Variants in CNTN6 observed in about 807,000 individuals in gnomAD.
The protein encoded by CNTN6 is contactin 6.
CNTN6 carries 137 observed loss-of-function variants against 122.8 expected under a neutral mutation model. The observed-to-expected ratio is 1.12, with a 90% confidence interval of 0.97 to 1.29. The LOEUF is 1.29. Ranked by LOEUF, CNTN6 falls within the 50% of genes most tolerant of loss-of-function variation. The pLI is 0.00. For missense variants in CNTN6, 1,634 were observed against 1,223.4 expected, an observed-to-expected ratio of 1.34 and a Z score of -5.01; for synonymous variants, 570 against 426.0, an observed-to-expected ratio of 1.34 and a Z score of -4.16.
Position 1,220,832 on chromosome 3 carries a change from GCACCA to G in CNTN6, c.182+23_182+27del. 1 of 1,579,228 alleles carries G rather than the reference GCACCA, an allele frequency of 6.3e-7. No individual in the cohort carries two copies. Among genetic ancestry groups the G allele is most frequent in the Non-Finnish European group, 8.6e-7 (1 of 1,166,354 alleles). ...ATTATAGGTAAAATCCTACCTGTGG[GCACCA>G]CACTATTTTGTTCTTCCTCACTGAA... is the stretch of plus-strand genomic sequence containing the variant. On this transcript the variant is annotated intron_variant, in intron 3 of 22. Transcript: ENST00000446702.
At chr3:1,389,676 C>T (rs530363473) in intron 20 of CNTN6, among the ~76,000 whole-genome samples, 117 of 151,956 alleles carry the variant, frequency 7.7e-4, no homozygotes, top group Non-Finnish European at 1.1e-3. Flanking sequence ...ACCCATCTCA[C>T]GTGCAGAGAC....
At chr3:1,270,046 C>G (rs540338315) in intron 4 of CNTN6, among the ~76,000 whole-genome samples, 1 of 152,098 alleles carries the variant, frequency 6.6e-6, no homozygotes, top group South Asian at 2.1e-4. Flanking sequence ...TCTTTTACAG[C>G]GTTTGACAAT....
chr3:1,348,395 ACT>A (rs545803054), intron 11 of CNTN6, among the ~76,000 whole-genome samples: 8 of 151,932 alleles, frequency 5.3e-5, no homozygotes, highest in Non-Finnish European at 1.2e-4. Context: ...TATGGTTAAA[ACT>A]CTCTTCCAGA....
intron 11 of CNTN6, among the ~76,000 whole-genome samples, chr3:1,342,151 G>C (rs1358143752): frequency 6.6e-6 from 1 of 151,242 alleles, no homozygotes; most frequent in Non-Finnish European, 1.5e-5. Flanking sequence ...TTTGTTTGTG[G>C]TGGAGTCTCC....
At chr3:1,140,305 C>G (rs2092579742) in intron 1 of CNTN6, among the ~76,000 whole-genome samples, 1 of 152,124 alleles carries the variant, frequency 6.6e-6, no homozygotes, top group Non-Finnish European at 1.5e-5. Flanking sequence ...CACACAGAGG[C>G]TGGAGCTATG....
chr3:1,178,793 T>TCTA (rs1285350356), intron 2 of CNTN6, among the ~76,000 whole-genome samples: 7 of 152,208 alleles, frequency 4.6e-5, no homozygotes, highest in African/African-American at 1.7e-4. Context: ...ATGCTTGCAC[T>TCTA]CTACCACTGG....
rs116239321 is a variant in CNTN6 at position 1,124,978 on chromosome 3, G to A, written c.-82-22949G>A. 7.7e-3 allele frequency among the ~76,000 whole-genome samples: 1,163 copies of A among 151,976 alleles called. 7 individuals carry two copies. Among genetic ancestry groups the A allele is most frequent in the Non-Finnish European group, 0.012 (830 of 67,894 alleles). On this transcript the variant is annotated intron_variant, in intron 1 of 22. Coordinates refer to ENST00000446702, the MANE Select transcript of CNTN6 (RefSeq NM_001289080.2). ...TTGTATCTTCAAGACCCAGATCAGTGCCAGTCACAAAGTAGTCATTTTGTT... is the reference window on the plus strand; with the variant it reads ...TTGTATCTTCAAGACCCAGATCAGTACCAGTCACAAAGTAGTCATTTTGTT...
At chr3:1,139,685 A>C (rs1277259990) in intron 1 of CNTN6, among the ~76,000 whole-genome samples, 1 of 152,234 alleles carries the variant, frequency 6.6e-6, no homozygotes, top group African/African-American at 2.4e-5. Flanking sequence ...CCCCAGAATC[A>C]CAGCAGATTT....
intron 2 of CNTN6, among the ~76,000 whole-genome samples, chr3:1,182,651 T>C (rs2093572722): frequency 6.6e-6 from 1 of 151,976 alleles, no homozygotes; most frequent in Non-Finnish European, 1.5e-5. Flanking sequence ...ATATACAAAG[T>C]ACGCCTATAG....
intron 8 of CNTN6, among the ~76,000 whole-genome samples, chr3:1,325,482 C>T (rs187634949): frequency 6.6e-6 from 1 of 151,880 alleles, no homozygotes; most frequent in Non-Finnish European, 1.5e-5. Flanking sequence ...CATTTTCTAA[C>T]TTGACCTATG....
At chr3:1,374,127 TAAAAC>T (rs138076631) in intron 16 of CNTN6, 54 bp downstream of exon 16, 239,933 of 1,499,706 alleles carry the variant, frequency 0.16, 21,017 homozygotes, top group Middle Eastern at 0.21. Flanking sequence ...ATACAGTTCT[TAAAAC>T]AAAACAAGTA....
At chr3:1,309,516 A>G (rs1371448203) in intron 7 of CNTN6, among the ~76,000 whole-genome samples, 1 of 152,158 alleles carries the variant, frequency 6.6e-6, no homozygotes, top group Non-Finnish European at 1.5e-5. Context: ...CATTGCCTCA[A>G]TTACTGTAGC....
chr3:1,300,925 A>G (rs1697272488), intron 7 of CNTN6, among the ~76,000 whole-genome samples: 1 of 152,134 alleles, frequency 6.6e-6, no homozygotes, highest in Non-Finnish European at 1.5e-5. Context: ...AAAAATAAAT[A>G]AAGCAGTGTC....
chr3:1,326,310 T>C (rs1701534508), intron 9 of CNTN6, among the ~76,000 whole-genome samples: 1 of 151,790 alleles, frequency 6.6e-6, no homozygotes, highest in Non-Finnish European at 1.5e-5. Context: ...CATTATCTTA[T>C]TGCACCCTCA....
intron 12 of CNTN6, among the ~76,000 whole-genome samples, chr3:1,366,026 A>T (rs1708166969): frequency 6.6e-6 from 1 of 152,168 alleles, no homozygotes; most frequent in Non-Finnish European, 1.5e-5. Context: ...GAATAACTAT[A>T]TCAAAATCAA....
chr3:1,402,013 C>T (rs1318632316), intron 21 of CNTN6, among the ~76,000 whole-genome samples: 1 of 151,912 alleles, frequency 6.6e-6, no homozygotes, highest in African/African-American at 2.4e-5. Flanking sequence ...ATATATTCAA[C>T]ATTTGAAATG....
chr3:1,394,941 G>GAAAT (rs1694802912), intron 20 of CNTN6, among the ~76,000 whole-genome samples: 1 of 152,162 alleles, frequency 6.6e-6, no homozygotes, highest in African/African-American at 2.4e-5. Context: ...AGGAAAAAGT[G>GAAAT]AAATAATAAT....
chr3:1,109,219 C>A (rs568206920), intron 1 of CNTN6, among the ~76,000 whole-genome samples: 3 of 152,146 alleles, frequency 2.0e-5, no homozygotes, highest in Non-Finnish European at 4.4e-5. Flanking sequence ...AGGGACTTGC[C>A]CGAGACTACA....
At chr3:1,313,474 C>T (rs1699676128) in intron 7 of CNTN6, among the ~76,000 whole-genome samples, 1 of 152,006 alleles carries the variant, frequency 6.6e-6, no homozygotes, top group Non-Finnish European at 1.5e-5. Context: ...TGGATATTTC[C>T]TCATTTGCTC....
Sources: gnomAD v4.1 joint callset for allele counts (sites outside exome capture counted in the v4.1 genomes callset) on GRCh38, gnomAD v4.1.1 for gene constraint, MANE v1.5 for transcripts, NCBI Gene and HGNC (gene_info 2026-07-23, HGNC 2026-07-21) for gene names.